The following ADCY9 variants were observed in gnomAD, a reference collection of about 807,000 sequenced individuals.
The protein encoded by ADCY9 is adenylate cyclase type 9.
Under a neutral mutation model 101.5 loss-of-function variants are expected in ADCY9, and 50 were observed. That is an observed-to-expected ratio of 0.49 (90% CI 0.39 to 0.62). ADCY9 has a LOEUF of 0.62. ADCY9 is among the 20% of genes least tolerant of loss of function. The pLI is 0.00. For synonymous variants in ADCY9, 905 were observed against 769.3 expected, an observed-to-expected ratio of 1.18 and a Z score of -2.92; for missense variants, 1,662 against 1,800.4, an observed-to-expected ratio of 0.92 and a Z score of 1.39.
intron 2 of ADCY9, among the ~76,000 whole-genome samples, chr16:4,110,379 T>A (rs1348074764): frequency 1.6e-5 from 2 of 127,230 alleles, no homozygotes; most frequent in Non-Finnish European, 3.2e-5. Context: ...ATACCTACTT[T>A]TTTTTTTTTT....
At chr16:3,983,795 C>T (rs1036564267) in intron 6 of ADCY9, 5 of 244,764 alleles carry the variant, frequency 2.0e-5, no homozygotes, top group South Asian at 1.3e-4. Context: ...CATGGCAGTG[C>T]GTGAGTGTGG....
chr16:3,966,089 C>A lies in ADCY9; in HGVS notation c.3748G>T (p.Val1250Phe), dbSNP rs1007408384. 6 of 1,614,110 alleles carry A rather than the reference C, an allele frequency of 3.7e-6. No homozygotes were observed. The African/African-American group carries it at 6.7e-5, about 18-fold the overall frequency. The change falls in exon 11 of 11, where the codon GTC (valine) becomes TTC (phenylalanine). Residue 1250 changes from valine to phenylalanine, a missense_variant. Physicochemically the swap from Val to Phe is conservative, Grantham distance 50 (BLOSUM62 -1). Around this residue, in one of 5 missense-constraint regions of ADCY9, gnomAD observed 168 missense variants for 155.3 expected, o/e 1.08. Transcript: ENST00000294016. Reference protein sequence around the residue: ...YLYPKCTDHRVIPQHQLSISP... With the variant: ...YLYPKCTDHRFIPQHQLSISP... ...ATGGACAGCTGGTGCTGTGGGATGA[C>A]CCTGTGATCCGTGCACTTTGGGTAC...
At chr16:4,073,267 G>C (rs1430852663) in intron 2 of ADCY9, among the ~76,000 whole-genome samples, 4 of 151,484 alleles carry the variant, frequency 2.6e-5, no homozygotes, top group African/African-American at 9.7e-5. Context: ...GCTAATTTTT[G>C]GTAGAGACGG....
At chr16:4,098,512 G>A (rs2057022849) in intron 2 of ADCY9, among the ~76,000 whole-genome samples, 1 of 151,988 alleles carries the variant, frequency 6.6e-6, no homozygotes. Context: ...GGGATTACAG[G>A]CATGAGCCAC....
rs192788160 is a variant in ADCY9 at position 3,965,941 on chromosome 16, G to A, written c.3896C>T (p.Thr1299Met). ...GGACAGGTGGGCATCCTTGGCCTGC[G>A]TGCTGCTGTCAGAACCCAGAGATGT... ...DKTSLGSDSS[T>M]QAKDAHLSPK... The change falls in exon 11 of 11, where the codon ACG (threonine) becomes ATG (methionine). Residue 1299 changes from threonine to methionine, a missense_variant. Transcript: ENST00000294016. The A allele has an allele frequency of 4.0e-5, 64 of 1,614,180 alleles. No individual in the cohort carries two copies. The highest frequency in any genetic ancestry group is 2.0e-4 in the East Asian group (9 of 44,868).
chr16:4,091,236 G>T (rs1255059851), intron 2 of ADCY9, among the ~76,000 whole-genome samples: 1 of 152,150 alleles, frequency 6.6e-6, no homozygotes, highest in Non-Finnish European at 1.5e-5. Context: ...ATGATGCGCA[G>T]CTGATTTTTC....
intron 2 of ADCY9, among the ~76,000 whole-genome samples, chr16:4,043,914 T>A (rs2056644599): frequency 6.6e-6 from 1 of 152,010 alleles, no homozygotes; most frequent in Admixed American, 6.6e-5. Flanking sequence ...GTGGGGCACT[T>A]AAGTGCCACA....
Position 3,963,766 on chromosome 16 carries a change from T to C in ADCY9, c.*2009A>G, listed in dbSNP as rs2055961539. 5.8e-6 allele frequency: 1 copy of C among 171,748 alleles called. No homozygotes were observed. The highest frequency in any genetic ancestry group is 1.2e-5 in the Non-Finnish European group (1 of 80,976). 10.6% of individuals were successfully genotyped at this position (171,748 alleles called of 1,614,324 possible). A position where few individuals can be genotyped will look rare whatever the true frequency, so the allele number is the denominator to read the frequency against. ...GGGGAGGACATTCAAATATACACCT[T>C]AATACTGATGCAGAAAGAGCTTCAT... On this transcript the variant is annotated 3_prime_UTR_variant, in exon 11 of 11. Coordinates refer to ENST00000294016, the MANE Select transcript of ADCY9 (RefSeq NM_001116.4).
chr16:4,078,055 A>G (rs1195351399), intron 2 of ADCY9, among the ~76,000 whole-genome samples: 1 of 152,148 alleles, frequency 6.6e-6, no homozygotes, highest in Non-Finnish European at 1.5e-5. Flanking sequence ...CCAGTTACAA[A>G]GAAAAATAAC....
intron 2 of ADCY9, among the ~76,000 whole-genome samples, chr16:4,026,667 G>T (rs1362912189): frequency 2.6e-5 from 4 of 152,154 alleles, no homozygotes; most frequent in African/African-American, 9.7e-5. Context: ...GCATCACAAG[G>T]AATGAACTAG....
chr16:3,998,786 A>G (rs1367536563), intron 3 of ADCY9, among the ~76,000 whole-genome samples: 1 of 122,374 alleles, frequency 8.2e-6, no homozygotes, highest in Non-Finnish European at 1.7e-5. Flanking sequence ...AAGAAAAGAA[A>G]AGAAAAGAAA....
chr16:4,070,898 G>T (rs1213855582), intron 2 of ADCY9, among the ~76,000 whole-genome samples: 3 of 152,122 alleles, frequency 2.0e-5, no homozygotes, highest in African/African-American at 7.2e-5. Context: ...AGTGAGCCAT[G>T]ATCAGACCAC....
chr16:4,058,658 T>G (rs905820731), intron 2 of ADCY9, among the ~76,000 whole-genome samples: 1 of 151,996 alleles, frequency 6.6e-6, no homozygotes, highest in Admixed American at 6.6e-5. Flanking sequence ...GGAAGGTATG[T>G]GTGATCAGGA....
At chr16:4,054,593 C>T (rs748349516) in intron 2 of ADCY9, among the ~76,000 whole-genome samples, 47 of 149,758 alleles carry the variant, frequency 3.1e-4, no homozygotes, top group Non-Finnish European at 4.4e-4. Context: ...TTTTTTGAGA[C>T]GGACTCTCGC....
At chr16:3,984,426 G>C (rs773713562) in intron 6 of ADCY9, among the ~76,000 whole-genome samples, 4 of 152,198 alleles carry the variant, frequency 2.6e-5, no homozygotes, top group Non-Finnish European at 1.5e-5. Context: ...GAGAAATAAC[G>C]ATGCTGACAC....
intron 2 of ADCY9, among the ~76,000 whole-genome samples, chr16:4,025,464 C>A (rs1041957288): frequency 7.9e-5 from 12 of 152,008 alleles, no homozygotes; most frequent in African/African-American, 2.7e-4. Flanking sequence ...TGGCCACTGG[C>A]CACGCAAAGA....
intron 2 of ADCY9, among the ~76,000 whole-genome samples, chr16:4,076,774 A>G (rs962921036): frequency 3.3e-5 from 5 of 152,152 alleles, no homozygotes; most frequent in Non-Finnish European, 7.4e-5. Context: ...CAGTGCATCA[A>G]TAATTAAGAA....
intron 2 of ADCY9, among the ~76,000 whole-genome samples, chr16:4,085,967 A>C (rs556353262): frequency 1.2e-4 from 19 of 152,056 alleles, no homozygotes; most frequent in Admixed American, 9.2e-4. Context: ...ATTAAAAAAA[A>C]AACAACACTC....
downstream of ADCY9, among the ~76,000 whole-genome samples, chr16:3,958,918 TC>T (rs1038251119): frequency 1.5e-4 from 23 of 151,574 alleles, no homozygotes; most frequent in Non-Finnish European, 3.1e-4. Flanking sequence ...CAGGTGATCC[TC>T]CCGCCTCGGC....
Sources: allele counts gnomAD v4.1 joint callset (sites outside exome capture counted in the v4.1 genomes callset), GRCh38; gene constraint gnomAD v4.1.1; regional missense constraint gnomAD v4.1.1; transcripts MANE v1.5; gene names NCBI Gene and HGNC (gene_info 2026-07-23, HGNC 2026-07-21).